Variants in ATP6V1C1 observed in about 807,000 individuals in gnomAD.
The protein encoded by ATP6V1C1 is ATPase H+ transporting V1 subunit C1, also known as V-type proton ATPase subunit C 1.
In ATP6V1C1, 45 loss-of-function variants were observed where a neutral mutation model predicts 53.9. The ratio of observed to expected loss-of-function variants is 0.83; its 90% CI spans 0.66 to 1.07. The LOEUF (loss-of-function observed/expected upper bound fraction) is 1.07, where lower values mean the gene tolerates loss of function less well. Ranked by LOEUF, ATP6V1C1 falls within the 50% of genes least tolerant of loss-of-function variation. The pLI is 0.00. For missense variants in ATP6V1C1, 315 were observed against 440.3 expected, an observed-to-expected ratio of 0.72 and a Z score of 2.55; for synonymous variants, 153 against 155.2, an observed-to-expected ratio of 0.99 and a Z score of 0.11.
intron 3 of ATP6V1C1, among the ~76,000 whole-genome samples, chr8:103,044,070 A>G (rs560252845): frequency 6.6e-6 from 1 of 151,616 alleles, no homozygotes; most frequent in Non-Finnish European, 1.5e-5. Context: ...TGTATTTTTA[A>G]TAGAGATGGG....
chr8:103,062,471 G>A (rs781656240), intron 8 of ATP6V1C1, among the ~76,000 whole-genome samples: 4 of 152,064 alleles, frequency 2.6e-5, no homozygotes, highest in Non-Finnish European at 4.4e-5. Context: ...CACCCAGCCT[G>A]TCAGTTTTTG....
chr8:103,041,015 G>A, intron 2 of ATP6V1C1, 47 bp downstream of exon 2: 1 of 1,569,558 alleles, frequency 6.4e-7, no homozygotes, highest in South Asian at 1.2e-5. Context: ...TCATCCAGGG[G>A]AGGGCCAGTT....
In ATP6V1C1 at chr8:103,069,908, C is replaced by G. The variant is rs1001074863; in HGVS notation, c.*1161C>G. On this transcript the variant is annotated 3_prime_UTR_variant, in exon 13 of 13. Transcript: ENST00000518738. ...ATATTATTTCATAAATAATTTCAAG[C>G]AAATACAGACATCCACAATGTAGAA... 7 of 152,128 alleles carry G rather than the reference C, an allele frequency of 4.6e-5. No individual in the cohort carries two copies. The highest frequency in any genetic ancestry group is 1.7e-4 in the African/African-American group (7 of 41,414). 9.4% of individuals were successfully genotyped at this position (152,128 alleles called of 1,614,324 possible). A position where few individuals can be genotyped will look rare whatever the true frequency, so the allele number is the denominator to read the frequency against.
chr8:103,046,623 T>C (rs568622109), intron 3 of ATP6V1C1, among the ~76,000 whole-genome samples: 2 of 152,212 alleles, frequency 1.3e-5, no homozygotes, highest in Non-Finnish European at 2.9e-5. Flanking sequence ...CTTTTCTTCA[T>C]TGTTCGGCAA....
intron 1 of ATP6V1C1, among the ~76,000 whole-genome samples, chr8:103,030,747 A>G (rs1816783194): frequency 6.7e-6 from 1 of 149,950 alleles, no homozygotes; most frequent in South Asian, 2.1e-4. Flanking sequence ...CTAGGCAGAG[A>G]AATAAACACC....
rs751267403 is a variant in ATP6V1C1, at chr8:103,066,333, A to G, written c.939A>G (p.Pro313=). 1 of 1,609,476 alleles carries G rather than the reference A, an allele frequency of 6.2e-7. No individual in the cohort carries two copies. Among genetic ancestry groups the G allele is most frequent in the African/African-American group, 1.3e-5 (1 of 74,798 alleles). ...GCTTTTTTGTAAGGTATGGCTTGCC[A>G]GTGAACTTCCAAGCAATGCTACTTC... ...FVESVLRYGL[P]VNFQAMLLQP... is the part of the protein sequence containing the mutation. Residue 313 remains proline, a synonymous_variant, in exon 12 of 13, where the codon CCA becomes CCG. Transcript: ENST00000518738.
At chr8:103,030,788 ATC>A (rs1816784515) in intron 1 of ATP6V1C1, among the ~76,000 whole-genome samples, 1 of 152,112 alleles carries the variant, frequency 6.6e-6, no homozygotes, top group Non-Finnish European at 1.5e-5. Context: ...TCTGCAGGAG[ATC>A]TAACAAAGAA....
chr8:103,047,295 T>C (rs1817113896), intron 3 of ATP6V1C1, among the ~76,000 whole-genome samples: 1 of 151,744 alleles, frequency 6.6e-6, no homozygotes, highest in Non-Finnish European at 1.5e-5. Context: ...TAATCCCTCC[T>C]GCTTGAGGGG....
intron 12 of ATP6V1C1, among the ~76,000 whole-genome samples, 156 bp from the exon 13 acceptor site, chr8:103,068,496 G>A (rs190764028): frequency 4.5e-4 from 68 of 152,298 alleles, no homozygotes; most frequent in Non-Finnish European, 7.2e-4. Flanking sequence ...TTTCTCATTT[G>A]CAAAATGGGA....
intron 1 of ATP6V1C1, among the ~76,000 whole-genome samples, chr8:103,038,635 G>A (rs1816940266): frequency 6.6e-6 from 1 of 152,072 alleles, no homozygotes; most frequent in South Asian, 2.1e-4. Context: ...ATAAATTTTA[G>A]TTTATTCATA....
At chr8:103,044,814 G>T (rs1412175323) in intron 3 of ATP6V1C1, among the ~76,000 whole-genome samples, 2 of 151,940 alleles carry the variant, frequency 1.3e-5, no homozygotes, top group African/African-American at 4.8e-5. Flanking sequence ...GTATCAGTTG[G>T]GGAGTAGTAT....
intron 1 of ATP6V1C1, among the ~76,000 whole-genome samples, chr8:103,037,128 G>A (rs17200107): frequency 0.12 from 18,078 of 152,166 alleles, 1,505 homozygotes; most frequent in Non-Finnish European, 0.19. Context: ...GTGGTGATGT[G>A]ATCCAGGTGT....
In ATP6V1C1 at chr8:103,029,096, GT is replaced by G. The variant is rs954293668; in HGVS notation, c.-40+7882del. Among the ~76,000 whole-genome samples, 829 of 148,712 alleles carry G rather than the reference GT, an allele frequency of 5.6e-3. 9 individuals carry two copies. The highest frequency in any genetic ancestry group is 0.018 in the African/African-American group (724 of 40,880). ...CACTCCCAAGAGATAATTGTTGACA[GT>G]TTTTTTTTTTATAATTTAATGTTTA... On this transcript the variant is annotated intron_variant, in intron 1 of 12. Coordinates refer to ENST00000518738, the MANE Select transcript of ATP6V1C1 (RefSeq NM_001695.5).
chr8:103,063,548 T>C (rs575766779), intron 10 of ATP6V1C1, among the ~76,000 whole-genome samples: 6 of 152,328 alleles, frequency 3.9e-5, no homozygotes, highest in African/African-American at 1.4e-4. Flanking sequence ...TAATTTTAAA[T>C]GCAGTATTCT....
rs570790240 is a variant in ATP6V1C1 at position 103,067,692 on chromosome 8, C to T, written c.1054-960C>T. On this transcript the variant is annotated intron_variant, in intron 12 of 12. Transcript: ENST00000518738. Reference sequence around the variant, plus strand: ...CTTGGCTCACTGCAGTCTCTGCCTCCTGGGTTCAGGCAGTTCTCCTGCCTC... The same window carrying T: ...CTTGGCTCACTGCAGTCTCTGCCTCTTGGGTTCAGGCAGTTCTCCTGCCTC... Among the ~76,000 whole-genome samples the T allele has an allele frequency of 2.2e-3, 330 of 149,362 alleles. 2 individuals carry two copies. Among genetic ancestry groups the T allele is most frequent in the African/African-American group, 7.8e-3 (316 of 40,566 alleles).
intron 8 of ATP6V1C1, among the ~76,000 whole-genome samples, chr8:103,059,841 C>CT (rs1372729249): frequency 3.3e-5 from 5 of 151,308 alleles, no homozygotes; most frequent in South Asian, 2.1e-4. Flanking sequence ...TAAAACCCTG[C>CT]TTGTCCCTCC....
intron 1 of ATP6V1C1, among the ~76,000 whole-genome samples, chr8:103,033,116 C>CTA (rs1816827545): frequency 6.6e-6 from 1 of 152,274 alleles, no homozygotes; most frequent in Admixed American, 6.5e-5. Context: ...CAAGGAAATT[C>CTA]TAGATCAGGC....
rs1817519777 is a variant in ATP6V1C1, at chr8:103,067,700, A to G, written c.1054-952A>G. On this transcript the variant is annotated intron_variant, in intron 12 of 12. Coordinates refer to ENST00000518738, the MANE Select transcript of ATP6V1C1 (RefSeq NM_001695.5). The stretch of plus-strand genomic sequence containing the variant: ...ACTGCAGTCTCTGCCTCCTGGGTTC[A>G]GGCAGTTCTCCTGCCTCAGCCTCCT... Among the ~76,000 whole-genome samples, 5 of 145,080 alleles carry G rather than the reference A, an allele frequency of 3.4e-5. No homozygotes were observed. In the South Asian group the frequency reaches 8.5e-4, roughly 25 times the overall value.
In ATP6V1C1 at chr8:103,068,715, A is replaced by G; in HGVS notation, c.1117A>G (p.Lys373Glu). ...AGAATACTACCCCTATGTGTACTAC[A>G]AGATTGATTGCAACTTGCTGGAATT... ...QQEYYPYVYY[K>E]IDCNLLEFK The change falls in exon 13 of 13, where the codon AAG becomes GAG. Residue 373 changes from lysine (K) to glutamate (E), a missense_variant. Lys to Glu is a moderately conservative substitution (Grantham distance 56). Coordinates refer to ENST00000518738, the MANE Select transcript of ATP6V1C1 (RefSeq NM_001695.5). 6.2e-7 allele frequency: 1 copy of G among 1,610,374 alleles called. No individual in the cohort carries two copies. Among genetic ancestry groups the G allele is most frequent in the Non-Finnish European group, 8.5e-7 (1 of 1,178,378 alleles).
Sources: allele counts gnomAD v4.1 joint callset (sites outside exome capture counted in the v4.1 genomes callset), GRCh38; gene constraint gnomAD v4.1.1; transcripts MANE v1.5; gene names NCBI Gene and HGNC (gene_info 2026-07-23, HGNC 2026-07-21).